SH3PXD2B: variants seen among roughly 807,000 people sequenced by gnomAD.
SH3PXD2B encodes SH3 and PX domain-containing protein 2B.
In SH3PXD2B, 37 loss-of-function variants were observed where a neutral mutation model predicts 73.1. The observed-to-expected ratio is 0.51, with a 90% CI of 0.39 to 0.67. The LOEUF is 0.67. Ranked by LOEUF, SH3PXD2B falls within the 30% of genes least tolerant of loss-of-function variation. SH3PXD2B has a pLI of 0.00. For synonymous variants in SH3PXD2B, 457 were observed against 480.5 expected (o/e 0.95, Z 0.64); for missense variants, 1,053 against 1,197.8 (o/e 0.88, Z 1.78).
intron 10 of SH3PXD2B, among the ~76,000 whole-genome samples, chr5:172,349,043 C>T (rs1431645584): frequency 1.3e-5 from 2 of 152,132 alleles, no homozygotes; most frequent in East Asian, 3.8e-4. Context: ...GACATTGAGG[C>T]TGCAGATTTT....
chr5:172,348,711 T>TATCTATCTATCTATCTATCTATCTATC (rs1561896964), intron 10 of SH3PXD2B, among the ~76,000 whole-genome samples: 1 of 36,958 alleles, frequency 2.7e-5, no homozygotes, highest in African/African-American at 6.0e-5. Context: ...ATCTATCTAT[T>TATCTATCTATCTATCTATCTATCTATC]TATTTATTTT....
intron 4 of SH3PXD2B, among the ~76,000 whole-genome samples, chr5:172,388,599 C>T (rs1190284934): frequency 2.0e-5 from 3 of 152,200 alleles, no homozygotes; most frequent in Admixed American, 6.5e-5. Context: ...TGCTGCTATC[C>T]TGTATTACTC....
chr5:172,423,535 G>A (rs1759020772), intron 1 of SH3PXD2B, among the ~76,000 whole-genome samples: 1 of 114,290 alleles, frequency 8.7e-6, no homozygotes, highest in Admixed American at 9.5e-5. Context: ...CACCCACTTG[G>A]ATACGGGGTT....
rs1320100162 is a variant in SH3PXD2B at position 172,326,996 on chromosome 5, A to C, written c.1189-1616T>G. 7.9e-5 allele frequency among the ~76,000 whole-genome samples: 12 copies of C among 151,178 alleles called. No individual in the cohort carries two copies. In the Admixed American group the frequency reaches 8.0e-4, roughly 10 times the overall value. ...CTCAGCCTCCTGAGTAGCTGGGATT[A>C]CAGGCATGCGCCACCACCAAGCCTG... On this transcript the variant is annotated intron_variant, in intron 12 of 12. Coordinates refer to the SH3PXD2B transcript ENST00000519643.
At chr5:172,434,572 A>G (rs933904388) in intron 1 of SH3PXD2B, among the ~76,000 whole-genome samples, 1 of 152,134 alleles carries the variant, frequency 6.6e-6, no homozygotes, top group African/African-American at 2.4e-5. Context: ...AACAAGGTAA[A>G]AAGTTTTTGC....
At chr5:172,452,447 C>A (rs1759816940) in intron 1 of SH3PXD2B, among the ~76,000 whole-genome samples, 1 of 152,164 alleles carries the variant, frequency 6.6e-6, no homozygotes, top group South Asian at 2.1e-4. Context: ...TATAGGGGTA[C>A]CGGATGTGGG....
chr5:172,376,194 T>G (rs1276691514), intron 5 of SH3PXD2B, among the ~76,000 whole-genome samples: 2 of 151,754 alleles, frequency 1.3e-5, no homozygotes, highest in Non-Finnish European at 2.9e-5. Flanking sequence ...CACGCCTGGC[T>G]CTTTTTGTAT....
At chr5:172,331,307 A>T (rs1012393473), downstream of SH3PXD2B, among the ~76,000 whole-genome samples, 1 of 152,208 alleles carries the variant, frequency 6.6e-6, no homozygotes, top group Admixed American at 6.5e-5. Flanking sequence ...CTCAGGGTGG[A>T]GCATGCGGAT....
intron 2 of SH3PXD2B, 115 bp downstream of exon 2, chr5:172,422,301 G>A (rs1291324571): frequency 2.0e-6 from 2 of 1,000,788 alleles, no homozygotes; most frequent in East Asian, 2.7e-5. Flanking sequence ...AGCCATGGAT[G>A]TCATTTTTAA....
At chr5:172,345,381 T>C (rs1309080965) in intron 12 of SH3PXD2B, among the ~76,000 whole-genome samples, 1 of 152,118 alleles carries the variant, frequency 6.6e-6, no homozygotes, top group Non-Finnish European at 1.5e-5. Context: ...TCCAGGAGCA[T>C]TTTATTTGTT....
chr5:172,355,927 C>T (rs1324768578), intron 8 of SH3PXD2B, among the ~76,000 whole-genome samples: 1 of 152,144 alleles, frequency 6.6e-6, no homozygotes, highest in Non-Finnish European at 1.5e-5. Flanking sequence ...GGGTGGAAGA[C>T]CCTGTAGACT....
chr5:172,361,630 C>T (rs2731709), intron 7 of SH3PXD2B, among the ~76,000 whole-genome samples: 112,202 of 152,088 alleles, frequency 0.74, 41,794 homozygotes, highest in South Asian at 0.86. Flanking sequence ...TTCTCAGGAA[C>T]TGGAAAGTCA....
At chr5:172,406,384 C>T in intron 2 of SH3PXD2B, 32 bp from the exon 3 acceptor site, 1 of 1,607,066 alleles carries the variant, frequency 6.2e-7, no homozygotes, top group Non-Finnish European at 8.5e-7. Flanking sequence ...AAAACAAAAA[C>T]CTTTCATAAT....
chr5:172,385,939 G>A (rs898527434), intron 4 of SH3PXD2B, among the ~76,000 whole-genome samples: 5 of 152,230 alleles, frequency 3.3e-5, no homozygotes, highest in Non-Finnish European at 7.3e-5. Context: ...CTCCAGGATA[G>A]TCCTAAGTCC....
chr5:172,434,887 G>T (rs1286488920), intron 1 of SH3PXD2B, among the ~76,000 whole-genome samples: 1 of 151,278 alleles, frequency 6.6e-6, no homozygotes, highest in South Asian at 2.1e-4. Context: ...AGGTTCAAGT[G>T]ATTCTCATGC....
intron 8 of SH3PXD2B, among the ~76,000 whole-genome samples, chr5:172,358,519 G>A (rs1178907495): frequency 1.3e-5 from 2 of 152,230 alleles, no homozygotes. Context: ...GGGGTCCCAT[G>A]AAAGGGTTAG....
Position 172,333,993 on chromosome 5 carries a change from CCTT to C in SH3PXD2B, c.*4373_*4375del, listed in dbSNP as rs1231771855. The C allele has an allele frequency of 6.7e-6, 8 of 1,194,210 alleles. No homozygotes were observed. The African/African-American group carries it at 1.1e-4, about 17-fold the overall frequency. 74.0% of individuals were successfully genotyped at this position (1,194,210 alleles called of 1,614,324 possible). On this transcript the variant is annotated 3_prime_UTR_variant, in exon 13 of 13. Coordinates refer to ENST00000311601, the MANE Select transcript of SH3PXD2B (RefSeq NM_001017995.3). Reference sequence around the variant, plus strand: ...TGCTGATGTAAGCCTGGTGGGGGCACCTTCTTTTTTACATGAATAGGACATCTA... The same window carrying C: ...TGCTGATGTAAGCCTGGTGGGGGCACCTTTTTTACATGAATAGGACATCTA...
intron 11 of SH3PXD2B, 99 bp downstream of exon 11, chr5:172,347,184 G>C: frequency 8.3e-7 from 1 of 1,200,256 alleles, no homozygotes; most frequent in East Asian, 2.3e-5. Context: ...ACAGGAAAGA[G>C]AGCATTTCTG....
rs376893926 is a variant in SH3PXD2B, at chr5:172,338,668, C to G, written c.2437G>C (p.Gly813Arg). Residue 813 changes from glycine to arginine, a missense_variant, in exon 13 of 13, where the codon GGG (glycine) becomes CGG (arginine). Transcript: ENST00000311601. This position sits in a 1 kb window ranked among gnomAD's most constrained non-coding sequence, Gnocchi z 5.1. ...KAKPFLSNSLGGQDDTRGKGS... is the reference protein window; with the variant it reads ...KAKPFLSNSLRGQDDTRGKGS... ...TTGCCTCGCGTGTCATCCTGGCCCC[C>G]CAAAGAGTTGGAGAGAAAAGGTTTG... 1.9e-5 allele frequency: 30 copies of G among 1,614,090 alleles called. No individual in the cohort carries two copies. The African/African-American group carries it at 3.3e-4, about 18-fold the overall frequency.
Sources: allele counts gnomAD v4.1 joint callset (sites outside exome capture counted in the v4.1 genomes callset), GRCh38; gene constraint gnomAD v4.1.1; non-coding constraint Gnocchi (gnomAD v3.1); transcripts MANE v1.5; gene names NCBI Gene and HGNC (gene_info 2026-07-23, HGNC 2026-07-21).